CDKN1A: variants seen among roughly 807,000 people sequenced by gnomAD.
CDKN1A encodes the protein cyclin-dependent kinase inhibitor 1.
In CDKN1A, 14 loss-of-function variants were observed where a neutral mutation model predicts 14.8. The ratio of observed to expected loss-of-function variants is 0.94; its 90% CI spans 0.62 to 1.48. The LOEUF is 1.48. CDKN1A is among the 40% of genes most tolerant of loss of function. CDKN1A has a pLI of 0.00. For synonymous variants in CDKN1A, 92 were observed against 93.5 expected (o/e 0.98, Z 0.09); for missense variants, 203 against 231.7 (o/e 0.88, Z 0.80).
At chr6:36,678,479 A>G, upstream of CDKN1A, 1 of 163,140 alleles carries the variant, frequency 6.1e-6, no homozygotes, top group South Asian at 2.0e-4. The surrounding 1 kb of genome is among the most constrained non-coding windows in gnomAD (Gnocchi z 5.7). Context: ...GCACCAACGC[A>G]GGCGAGGGAC....
chr6:36,682,378 A>T (rs1032057796), intron 1 of CDKN1A, among the ~76,000 whole-genome samples: 1 of 152,222 alleles, frequency 6.6e-6, no homozygotes, highest in African/African-American at 2.4e-5. Flanking sequence ...GGCTCTGTCC[A>T]CTGTACTGGG....
intron 1 of CDKN1A, among the ~76,000 whole-genome samples, chr6:36,679,726 A>G (rs1404353842): frequency 6.6e-6 from 1 of 152,134 alleles, no homozygotes; most frequent in Non-Finnish European, 1.5e-5. Flanking sequence ...GGGGAAGGGC[A>G]AGGGTCTCCT....
At position 36,686,910 on chromosome 6, in the gene CDKN1A, C is replaced by T. The variant is rs776135188; in HGVS notation, c.*1110C>T. On this transcript the variant is annotated 3_prime_UTR_variant, in exon 3 of 3. Transcript: ENST00000244741. This position sits in a 1 kb window ranked among gnomAD's most constrained non-coding sequence, Gnocchi z 4.9. ...GACACTGGCCCCTCAAATCGTCCAG[C>T]GACCTTCCTCATCCACCCCATCCCT... 46 of 233,648 alleles carry T rather than the reference C, an allele frequency of 2.0e-4. No individual in the cohort carries two copies. Among genetic ancestry groups the T allele is most frequent in the Non-Finnish European group, 3.0e-4 (36 of 118,118 alleles). 14.5% of individuals were successfully genotyped at this position (233,648 alleles called of 1,614,324 possible). A position where few individuals can be genotyped will look rare whatever the true frequency, so the allele number is the denominator to read the frequency against.
At chr6:36,677,403 C>A (rs1017391065), upstream of CDKN1A, among the ~76,000 whole-genome samples, 1 of 152,186 alleles carries the variant, frequency 6.6e-6, no homozygotes, top group Non-Finnish European at 1.5e-5. Context: ...ATTGTAGCTG[C>A]TCCAAGCCTG....
At chr6:36,685,606 G>C in intron 2 of CDKN1A, 145 bp from the exon 3 acceptor site, 1 of 809,628 alleles carries the variant, frequency 1.2e-6, no homozygotes, top group South Asian at 1.3e-5. Context: ...CAGAGTGGAC[G>C]TTCCCCGAGT....
intron 1 of CDKN1A, among the ~76,000 whole-genome samples, chr6:36,681,370 TTTCTTTC>T (rs1761979232): frequency 1.4e-5 from 1 of 73,448 alleles, no homozygotes; most frequent in African/African-American, 5.6e-5. Context: ...CTTTTCTTTC[TTTCTTTC>T]TTTCTTTCTT....
intron 1 of CDKN1A, among the ~76,000 whole-genome samples, chr6:36,681,313 TTTC>T (rs1761954492): frequency 7.9e-6 from 1 of 126,136 alleles, no homozygotes; most frequent in Non-Finnish European, 1.7e-5. Context: ...TCTTTCTTTC[TTTC>T]TTTCTTTCTT....
intron 1 of CDKN1A, chr6:36,682,814 G>C (rs1762062933): frequency 6.6e-6 from 1 of 152,302 alleles, no homozygotes; most frequent in African/African-American, 2.4e-5. Flanking sequence ...AGGTAGACCA[G>C]CCACCTTTAA....
chr6:36,681,521 C>A (rs1762005057), intron 1 of CDKN1A, among the ~76,000 whole-genome samples: 1 of 149,538 alleles, frequency 6.7e-6, no homozygotes, highest in Non-Finnish European at 1.5e-5. Flanking sequence ...CTCAAGTAGT[C>A]CTCCTGTTTC....
intron 1 of CDKN1A, among the ~76,000 whole-genome samples, chr6:36,681,400 T>TCTTTCTTTCTTTCTTC (rs1761987942): frequency 9.8e-6 from 1 of 101,940 alleles, no homozygotes; most frequent in South Asian, 3.4e-4. Context: ...TTTCTTTCTT[T>TCTTTCTTTCTTTCTTC]CTTTCTTCCT....
intron 1 of CDKN1A, among the ~76,000 whole-genome samples, chr6:36,681,334 T>TTCTTTCTTTCCTTCTTTCTTTC (rs780161958): frequency 4.6e-5 from 4 of 86,124 alleles, no homozygotes; most frequent in African/African-American, 1.7e-4. Context: ...CTTTCTTTCT[T>TTCTTTCTTTCCTTCTTTCTTTC]TTTCTTTCTT....
rs970845961 is a variant in CDKN1A, at chr6:36,683,997, G to A, written c.-5-100G>A. 5 of 1,140,044 alleles carry A rather than the reference G, an allele frequency of 4.4e-6. No individual in the cohort carries two copies. In the African/African-American group the frequency reaches 7.7e-5, roughly 17 times the overall value. 70.6% of individuals were successfully genotyped at this position (1,140,044 alleles called of 1,614,324 possible). ...TGGAAGGAGTGAGAGAGACCCTCTG[G>A]TAGGAAGACGTCACCTGAGGTGACA... On this transcript the variant is annotated intron_variant, in intron 1 of 2. Coordinates refer to ENST00000244741, the MANE Select transcript of CDKN1A (RefSeq NM_000389.5).
At chr6:36,681,280 T>TTCC (rs1554185352) in intron 1 of CDKN1A, among the ~76,000 whole-genome samples, 1 of 112,790 alleles carries the variant, frequency 8.9e-6, no homozygotes, top group Non-Finnish European at 1.9e-5. Flanking sequence ...TTCTTTCTTT[T>TTCC]TTTCTTTCTT....
At chr6:36,680,998 T>C (rs977453262) in intron 1 of CDKN1A, 1 of 152,322 alleles carries the variant, frequency 6.6e-6, no homozygotes, top group African/African-American at 2.4e-5. Context: ...GCCTAGATCC[T>C]AGTCCTGTCT....
At chr6:36,679,018 A>G (rs1438421656) in intron 1 of CDKN1A, 2 of 969,168 alleles carry the variant, frequency 2.1e-6, no homozygotes, top group Non-Finnish European at 2.4e-6. Context: ...GAGAGTCGGG[A>G]TGTGCCGGAG....
At chr6:36,677,931 C>T (rs1434221016), upstream of CDKN1A, 1 of 1,323,824 alleles carries the variant, frequency 7.6e-7, no homozygotes, top group Non-Finnish European at 1.0e-6. Context: ...TTCTTCTGTT[C>T]AGGTGAGTGT....
In CDKN1A at chr6:36,680,307, C is replaced by CGTGTGTGTGTGTGTGT. The variant is rs59454180; in HGVS notation, c.-6+1532_-6+1547dup. 6.8e-3 allele frequency among the ~76,000 whole-genome samples: 905 copies of CGTGTGTGTGTGTGTGT among 133,246 alleles called. 17 individuals are homozygous for CGTGTGTGTGTGTGTGT. The highest frequency in any genetic ancestry group is 0.01 in the Non-Finnish European group (645 of 62,460). 87.4% of individuals were successfully genotyped at this position (133,246 alleles called of 152,430 possible). A position where few individuals can be genotyped will look rare whatever the true frequency, so the allele number is the denominator to read the frequency against. ...GCGCGCGCGTGCGTGTCTGCGCGGGCGTGTGTGTGTGTGTGTGTGTGTGTG... is the reference window on the plus strand; with the variant it reads ...GCGCGCGCGTGCGTGTCTGCGCGGGCGTGTGTGTGTGTGTGTGTGTGTGTGTGTGTGTGTGTGTGTG... On this transcript the variant is annotated intron_variant, in intron 1 of 2. Transcript: ENST00000244741.
Position 36,686,407 on chromosome 6 carries a change from T to C in CDKN1A, c.*607T>C. Reference sequence around the variant, plus strand: ...GGGGACCTGGTACCCTCCTGGCTCTTGATACCCCCCTCTGTCTTGTGAAGG... The same window carrying C: ...GGGGACCTGGTACCCTCCTGGCTCTCGATACCCCCCTCTGTCTTGTGAAGG... On this transcript the variant is annotated 3_prime_UTR_variant, in exon 3 of 3. Coordinates refer to ENST00000244741, the MANE Select transcript of CDKN1A (RefSeq NM_000389.5). The surrounding 1 kb of genome is among the most constrained non-coding windows in gnomAD (Gnocchi z 4.9). 1 of 241,594 alleles carries C rather than the reference T, an allele frequency of 4.1e-6. No individual in the cohort carries two copies. Among genetic ancestry groups the C allele is most frequent in the Non-Finnish European group, 8.1e-6 (1 of 122,970 alleles). The allele number at this position is 241,594 out of a possible 1,614,324, so 15.0% of individuals were successfully genotyped here.
intron 1 of CDKN1A, among the ~76,000 whole-genome samples, chr6:36,681,272 CTTTCTTTT>C (rs1453022160): frequency 0.031 from 2,756 of 89,288 alleles, 75 homozygotes; most frequent in South Asian, 0.045. Flanking sequence ...GCTTTTCTTT[CTTTCTTTT>C]TTTCTTTCTT....
Sources: allele counts gnomAD v4.1 joint callset (sites outside exome capture counted in the v4.1 genomes callset), GRCh38; gene constraint gnomAD v4.1.1; non-coding constraint Gnocchi (gnomAD v3.1); transcripts MANE v1.5; gene names NCBI Gene and HGNC (gene_info 2026-07-23, HGNC 2026-07-21).